The following USP43 variants were observed in gnomAD, a reference collection of about 807,000 sequenced individuals.
USP43 encodes the protein ubiquitin specific peptidase 43, also known as ubiquitin carboxyl-terminal hydrolase 43.
A neutral mutation model predicts 90.7 loss-of-function variants in USP43; 33 were observed. That is an observed-to-expected ratio of 0.36 (90% confidence interval 0.28 to 0.49). The LOEUF is 0.49. Among genes scored for constraint, USP43 ranks in the 20% least tolerant of loss-of-function variants. The probability of loss-of-function intolerance (pLI) is 0.98; values close to 1 mark genes in which losing one functional copy is unlikely to be tolerated. For synonymous variants in USP43, 598 were observed against 615.8 expected, an observed-to-expected ratio of 0.97 and a Z score of 0.43; for missense variants, 1,274 against 1,476.4, an observed-to-expected ratio of 0.86 and a Z score of 2.25.
At chr17:9,649,031 C>A (rs1353737488) in intron 1 of USP43, among the ~76,000 whole-genome samples, 1 of 151,680 alleles carries the variant, frequency 6.6e-6, no homozygotes, top group African/African-American at 2.4e-5. Context: ...CACTCTGTCA[C>A]CCAGGCTGGA....
intron 1 of USP43, among the ~76,000 whole-genome samples, chr17:9,652,565 G>A (rs541824993): frequency 2.0e-5 from 3 of 151,986 alleles, no homozygotes; most frequent in African/African-American, 4.8e-5. Flanking sequence ...GTTTCACCTT[G>A]GTAGCCAGGA....
At chr17:9,665,279 A>G (rs1196312041) in intron 2 of USP43, among the ~76,000 whole-genome samples, 1 of 152,160 alleles carries the variant, frequency 6.6e-6, no homozygotes, top group African/African-American at 2.4e-5. Flanking sequence ...TGTTGTCTGT[A>G]TTAGTCTGTT....
intron 1 of USP43, chr17:9,647,633 T>G (rs1326779170): frequency 6.6e-6 from 1 of 152,042 alleles, no homozygotes; most frequent in Non-Finnish European, 1.5e-5. Context: ...GAGGTAATCT[T>G]TATGTACATT....
rs34404550 is a variant in USP43 at position 9,684,763 on chromosome 17, C to CAAA, written c.1241+1826_1241+1828dup. Among the ~76,000 whole-genome samples the CAAA allele has an allele frequency of 2.7e-3, 177 of 65,428 alleles. 4 individuals are homozygous for CAAA. The highest frequency in any genetic ancestry group is 8.0e-3 in the African/African-American group (149 of 18,654). The allele number at this position is 65,428 out of a possible 152,430, so 42.9% of individuals were successfully genotyped here. A position where few individuals can be genotyped will look rare whatever the true frequency, so the allele number is the denominator to read the frequency against. ...GGGCAACAAGAGTGAAACTCCATCTCAAAAAAAAAAAAAAAAAAAAAAATC... is the reference window on the plus strand; with the variant it reads ...GGGCAACAAGAGTGAAACTCCATCTCAAAAAAAAAAAAAAAAAAAAAAAAAATC... On this transcript the variant is annotated intron_variant, in intron 7 of 14. Transcript: ENST00000285199.
chr17:9,676,298 C>T (rs1247260983), intron 4 of USP43, among the ~76,000 whole-genome samples: 1 of 152,168 alleles, frequency 6.6e-6, no homozygotes, highest in African/African-American at 2.4e-5. Context: ...CACCTGGTGA[C>T]AATGTACCAA....
At chr17:9,723,544 TC>T (rs1917082278) in intron 14 of USP43, among the ~76,000 whole-genome samples, 4 of 16,190 alleles carry the variant, frequency 2.5e-4, no homozygotes, top group African/African-American at 8.3e-4. Flanking sequence ...TCCCCTCCCC[TC>T]CCCTCCCCTC....
chr17:9,722,279 G>A (rs1917001955), intron 14 of USP43, among the ~76,000 whole-genome samples: 1 of 151,662 alleles, frequency 6.6e-6, no homozygotes, highest in African/African-American at 2.4e-5. Flanking sequence ...TTTCGCATTT[G>A]CCTGCTATCA....
rs542007969 is a variant in USP43 at position 9,700,822 on chromosome 17, A to T, written c.1536-297A>T. 1.1e-4 allele frequency among the ~76,000 whole-genome samples: 17 copies of T among 152,350 alleles called. No homozygotes were observed. In the South Asian group the frequency reaches 3.5e-3, roughly 32 times the overall value. On this transcript the variant is annotated intron_variant, in intron 10 of 14. Transcript: ENST00000285199. The stretch of plus-strand genomic sequence containing the variant: ...CTTACTTTAAGAAAGGATGTCGTTC[A>T]GTCCAGCAAGTATTTATTGATCAAC...
intron 9 of USP43, 21 bp from the exon 10 acceptor site, chr17:9,700,151 G>C (rs771349225): frequency 6.3e-7 from 1 of 1,585,086 alleles, no homozygotes; most frequent in Admixed American, 1.8e-5. Context: ...TTTCTGATGG[G>C]CTCCCTTGTT....
chr17:9,694,741 A>G (rs953645051), intron 9 of USP43, among the ~76,000 whole-genome samples: 11 of 151,938 alleles, frequency 7.2e-5, no homozygotes, highest in African/African-American at 2.2e-4. Flanking sequence ...TTCCTGCCTC[A>G]GCCTCCCCAG....
At chr17:9,690,255 C>T (rs1218397093) in intron 8 of USP43, among the ~76,000 whole-genome samples, 1 of 152,148 alleles carries the variant, frequency 6.6e-6, no homozygotes, top group African/African-American at 2.4e-5. Context: ...CATAATTCAA[C>T]CTAGGTTTCC....
intron 8 of USP43, among the ~76,000 whole-genome samples, chr17:9,688,127 A>C (rs1340209270): frequency 6.6e-6 from 1 of 151,714 alleles, no homozygotes; most frequent in African/African-American, 2.4e-5. Flanking sequence ...CTGGGACTAC[A>C]GGCGCCCGCC....
chr17:9,664,636 A>ATTTT (rs371778793), intron 2 of USP43, among the ~76,000 whole-genome samples: 1 of 134,212 alleles, frequency 7.5e-6, no homozygotes. Flanking sequence ...CCTTGCATAG[A>ATTTT]TTTTTTTTTT....
At chr17:9,716,007 CTG>C (rs953772461) in intron 14 of USP43, among the ~76,000 whole-genome samples, 5 of 139,760 alleles carry the variant, frequency 3.6e-5, no homozygotes, top group East Asian at 2.0e-4. Flanking sequence ...GTGTGTGTGT[CTG>C]TGTGTGTATG....
chr17:9,684,740 GCAA>G (rs1914499800), intron 7 of USP43, among the ~76,000 whole-genome samples: 1 of 125,648 alleles, frequency 8.0e-6, no homozygotes, highest in African/African-American at 3.3e-5. Context: ...TCCAGCCTGG[GCAA>G]CAAGAGTGAA....
rs186756482 is a variant in USP43, at chr17:9,667,591, C to T, written c.740+840C>T. Among the ~76,000 whole-genome samples, 122 of 152,218 alleles carry T rather than the reference C, an allele frequency of 8.0e-4. No individual in the cohort carries two copies. In the Middle Eastern group the frequency reaches 0.027, roughly 34 times the overall value. ...CAGAGAGGGGAGAAAACCCCATGGA[C>T]TTCTCAGAGGAAGTGTGCCTTTTGT... On this transcript the variant is annotated intron_variant, in intron 3 of 14. Transcript: ENST00000285199.
intron 1 of USP43, among the ~76,000 whole-genome samples, chr17:9,651,633 C>T (rs547691667): frequency 2.0e-5 from 3 of 152,194 alleles, no homozygotes; most frequent in South Asian, 2.1e-4. Flanking sequence ...TTTGATTTTG[C>T]GTACCTGCTT....
chr17:9,684,579 T>C (rs1243030093), intron 7 of USP43, among the ~76,000 whole-genome samples: 1 of 151,248 alleles, frequency 6.6e-6, no homozygotes, highest in East Asian at 1.9e-4. Flanking sequence ...GCCTGACCAA[T>C]ATGGAGAAAC....
chr17:9,670,262 C>T lies in USP43; in HGVS notation c.740+3511C>T, dbSNP rs369995147. ...TCATGCTGGCCAGGCTGGTCTTGAA[C>T]TCCTGACCTCTAGTGATCCACCTGC... On this transcript the variant is annotated intron_variant, in intron 3 of 14. Coordinates refer to ENST00000285199, the MANE Select transcript of USP43 (RefSeq NM_153210.5). Among the ~76,000 whole-genome samples the T allele has an allele frequency of 8.6e-5, 13 of 151,954 alleles. No homozygotes were observed. The East Asian group carries it at 1.2e-3, about 14-fold the overall frequency.
Sources: allele counts gnomAD v4.1 joint callset (sites outside exome capture counted in the v4.1 genomes callset), GRCh38; gene constraint gnomAD v4.1.1; transcripts MANE v1.5; gene names NCBI Gene and HGNC (gene_info 2026-07-23, HGNC 2026-07-21).